Variants in FLNB observed in about 807,000 individuals in gnomAD.
FLNB encodes the protein filamin-B.
A neutral mutation model predicts 250.6 loss-of-function variants in FLNB; 111 were observed. The observed-to-expected ratio is 0.44, with a 90% confidence interval of 0.38 to 0.52. FLNB has a LOEUF of 0.52. Ranked by LOEUF, FLNB falls within the 20% of genes least tolerant of loss-of-function variation. FLNB has a pLI of 0.00. For synonymous variants in FLNB, 1,302 were observed against 1,372.1 expected (o/e 0.95, Z 1.13); for missense variants, 2,869 against 3,447.8 (o/e 0.83, Z 4.20).
intron 7 of FLNB, among the ~76,000 whole-genome samples, chr3:58,098,457 A>G (rs912446237): frequency 6.6e-6 from 1 of 152,168 alleles, no homozygotes; most frequent in African/African-American, 2.4e-5. Context: ...CAGCCTCTCA[A>G]GTAGCTGGGA....
At chr3:58,108,678 C>G in intron 13 of FLNB, 107 bp downstream of exon 13, 1 of 732,646 alleles carries the variant, frequency 1.4e-6, no homozygotes, top group Non-Finnish European at 2.5e-6. Flanking sequence ...TCATCTGCAC[C>G]GTGGAAATGA....
rs552667295 is a variant in FLNB, at chr3:58,169,266, G to T, written c.7418-324G>T. The stretch of plus-strand genomic sequence containing the variant: ...CAAACTTTTACACTGCTTATACATA[G>T]ACTATTTTATGTCAATAGAAAGATG... On this transcript the variant is annotated intron_variant, in intron 44 of 45. Transcript: ENST00000295956. This position sits in a 1 kb window ranked among gnomAD's most constrained non-coding sequence, Gnocchi z 4.8. 1.0e-5 allele frequency: 4 copies of T among 385,062 alleles called. No individual in the cohort carries two copies. The highest frequency in any genetic ancestry group is 2.6e-5 in the South Asian group (1 of 38,214). 23.9% of individuals were successfully genotyped at this position (385,062 alleles called of 1,614,324 possible).
At chr3:58,122,219 G>A (rs933347865) in intron 20 of FLNB, among the ~76,000 whole-genome samples, 3 of 149,820 alleles carry the variant, frequency 2.0e-5, no homozygotes, top group Admixed American at 6.7e-5. Context: ...TTGGCTGGGC[G>A]CAGCGGCTCA....
chr3:58,052,077 G>A (rs1255658601), intron 1 of FLNB, among the ~76,000 whole-genome samples: 2 of 152,118 alleles, frequency 1.3e-5, no homozygotes, highest in Non-Finnish European at 2.9e-5. Flanking sequence ...ACTAGAGACA[G>A]GGTTTCACCA....
chr3:58,024,608 T>C (rs1376858037), intron 1 of FLNB, among the ~76,000 whole-genome samples: 3 of 151,996 alleles, frequency 2.0e-5, no homozygotes, highest in African/African-American at 7.2e-5. Flanking sequence ...AGACTCTTTT[T>C]AGAAGAAGAG....
At chr3:58,009,404 A>C (rs998371140) in intron 1 of FLNB, among the ~76,000 whole-genome samples, 1 of 151,990 alleles carries the variant, frequency 6.6e-6, no homozygotes, top group African/African-American at 2.4e-5. Flanking sequence ...CCGTCGCTGG[A>C]ATGGGTGTGG....
chr3:58,132,462 C>T (rs1448756972), intron 25 of FLNB: 5 of 423,880 alleles, frequency 1.2e-5, no homozygotes, highest in African/African-American at 4.1e-5. Context: ...ACATCCTAAG[C>T]GTGCCTAACC....
chr3:58,109,326 G>C lies in FLNB; in HGVS notation c.2199+4G>C. ...CATCCCGCACAGCCCCTACAGGGTA[G>C]GTTGTGAGGCAGAATCCTGGCTGTT... is the stretch of plus-strand genomic sequence containing the variant. On this transcript the variant is annotated splice_donor_region_variant and intron_variant, in intron 14 of 45. Transcript: ENST00000295956. 1 of 1,612,814 alleles carries C rather than the reference G, an allele frequency of 6.2e-7. No homozygotes were observed. Among genetic ancestry groups the C allele is most frequent in the South Asian group, 1.1e-5 (1 of 90,768 alleles).
chr3:58,098,897 A>C lies in FLNB; in HGVS notation c.1334A>C (p.Gln445Pro). The part of the protein sequence containing the change: ...DTIPKSPFVV[Q>P]VGEACNPNAC... ...ATTCCTAAGAGTCCCTTCGTTGTGC[A>C]GGTTGGGGAAGGTGAGTGCTGGGCT... is the stretch of plus-strand genomic sequence containing the variant. The change falls in exon 8 of 46, where the codon CAG becomes CCG. Residue 445 changes from glutamine to proline, a missense_variant. Gln to Pro is a moderately conservative substitution (Grantham distance 76). Transcript: ENST00000295956. 1 of 1,613,764 alleles carries C rather than the reference A, an allele frequency of 6.2e-7. No individual in the cohort carries two copies. Among genetic ancestry groups the C allele is most frequent in the East Asian group, 2.2e-5 (1 of 44,872 alleles).
At chr3:58,090,095 C>A (rs1208425235) in intron 4 of FLNB, among the ~76,000 whole-genome samples, 1 of 152,066 alleles carries the variant, frequency 6.6e-6, no homozygotes, top group African/African-American at 2.4e-5. Flanking sequence ...CTGGACCCGG[C>A]CTCTGTAAGC....
Position 58,124,672 on chromosome 3 carries a change from C to T in FLNB, c.3898+167C>T, listed in dbSNP as rs569616925. Among the ~76,000 whole-genome samples the T allele has an allele frequency of 3.3e-5, 5 of 152,370 alleles. No homozygotes were observed. In the South Asian group the frequency reaches 1.0e-3, roughly 32 times the overall value. On this transcript the variant is annotated intron_variant, in intron 22 of 45. Transcript: ENST00000295956. ...CGTCCGCTGCAGTCACCTGCCCACT[C>T]AGTGCCTGGCTTGCTGGCCTTGTGT...
At chr3:58,141,289 T>C (rs538211585) in intron 29 of FLNB, among the ~76,000 whole-genome samples, 2 of 152,296 alleles carry the variant, frequency 1.3e-5, no homozygotes, top group South Asian at 2.1e-4. Context: ...TAGACATTTA[T>C]CAAGTAAAAA....
At chr3:58,145,635 G>T (rs559760504) in intron 32 of FLNB, among the ~76,000 whole-genome samples, 84 of 152,214 alleles carry the variant, frequency 5.5e-4, no homozygotes, top group Non-Finnish European at 7.8e-4. Flanking sequence ...TTCCTTATTT[G>T]TCAGGTTGGG....
intron 1 of FLNB, among the ~76,000 whole-genome samples, chr3:58,024,217 T>G (rs1247053606): frequency 6.6e-6 from 1 of 152,220 alleles, no homozygotes; most frequent in East Asian, 1.9e-4. Context: ...CTTCAGAGCA[T>G]GGGTCAGATA....
intron 4 of FLNB, among the ~76,000 whole-genome samples, chr3:58,085,351 T>G (rs988286120): frequency 6.6e-6 from 1 of 152,244 alleles, no homozygotes; most frequent in African/African-American, 2.4e-5. Context: ...TATGTCCCTG[T>G]CATGTGGTTA....
chr3:58,097,471 A>G (rs533304404), intron 6 of FLNB, among the ~76,000 whole-genome samples: 17 of 152,316 alleles, frequency 1.1e-4, no homozygotes, highest in Non-Finnish European at 2.5e-4. Context: ...CTGGAACTGC[A>G]TATTTTATTC....
chr3:58,054,694 A>G (rs1042928000), intron 1 of FLNB, among the ~76,000 whole-genome samples: 1 of 152,100 alleles, frequency 6.6e-6, no homozygotes, highest in African/African-American at 2.4e-5. Flanking sequence ...GGTCCCTCCA[A>G]TGACCTGTGG....
In FLNB at chr3:58,163,487, T is replaced by C. The variant is rs976619320; in HGVS notation, c.7198+157T>C. 3 of 723,758 alleles carry C rather than the reference T, an allele frequency of 4.1e-6. No individual in the cohort carries two copies. The African/African-American group carries it at 5.3e-5, about 13-fold the overall frequency. The allele number at this position is 723,758 out of a possible 1,614,324, so 44.8% of individuals were successfully genotyped here. ...GAGGCGCTTGCTGTCCAAAGCTGTT[T>C]TGGGAGTTGCGGTTTGACCCACGAT... On this transcript the variant is annotated intron_variant, in intron 43 of 45. Transcript: ENST00000295956.
At chr3:58,029,732 T>G (rs370899666) in intron 1 of FLNB, among the ~76,000 whole-genome samples, 2 of 152,106 alleles carry the variant, frequency 1.3e-5, no homozygotes, top group South Asian at 4.2e-4. Context: ...CTCGAACTAC[T>G]GACCCCATGA....
Sources: allele counts gnomAD v4.1 joint callset (sites outside exome capture counted in the v4.1 genomes callset), GRCh38; gene constraint gnomAD v4.1.1; non-coding constraint Gnocchi (gnomAD v3.1); transcripts MANE v1.5; gene names NCBI Gene and HGNC (gene_info 2026-07-23, HGNC 2026-07-21).